Variants in EML2 observed in about 807,000 individuals in gnomAD.
EML2 encodes the protein EMAP like 2.
Under a neutral mutation model 84.7 loss-of-function variants are expected in EML2, and 59 were observed. That is an observed-to-expected ratio of 0.70 (90% CI 0.56 to 0.86). The LOEUF (loss-of-function observed/expected upper bound fraction) is 0.86, where lower values mean the gene tolerates loss of function less well. Ranked by LOEUF, EML2 falls within the 40% of genes least tolerant of loss-of-function variation. The probability of loss-of-function intolerance (pLI) is 0.00; values close to 1 mark genes in which losing one functional copy is unlikely to be tolerated. For synonymous variants in EML2, 352 were observed against 348.9 expected (o/e 1.01, Z -0.10); for missense variants, 818 against 855.6 (o/e 0.96, Z 0.55).
rs200862789 is a variant in EML2 at position 45,621,203 on chromosome 19, G to C, written c.1122+4C>G. 5.2e-5 allele frequency: 84 copies of C among 1,613,226 alleles called. No individual in the cohort carries two copies. The Admixed American group carries it at 1.4e-3, about 27-fold the overall frequency. Reference sequence around the variant, plus strand: ...GGGGAGGGGTGCAGAGGAGAGAGGCGCACCTGGACCAGCAGTGAGAAGCCT... The same window carrying C: ...GGGGAGGGGTGCAGAGGAGAGAGGCCCACCTGGACCAGCAGTGAGAAGCCT... On this transcript the variant is annotated splice_donor_region_variant and intron_variant, in intron 11 of 18. Coordinates refer to ENST00000245925, the MANE Select transcript of EML2 (RefSeq NM_012155.4).
chr19:45,611,901 C>A (rs190210171), intron 18 of EML2, among the ~76,000 whole-genome samples: 6 of 151,884 alleles, frequency 4.0e-5, no homozygotes, highest in East Asian at 1.9e-4. Context: ...TATGACGGAG[C>A]CTTGCTGTCG....
intron 16 of EML2, 81 bp downstream of exon 16, chr19:45,615,721 C>A: frequency 3.3e-6 from 4 of 1,216,698 alleles, no homozygotes; most frequent in Non-Finnish European, 4.9e-6. Context: ...AGGCTTGAAG[C>A]CCCTCCCTCC....
In EML2 at chr19:45,616,287, G is replaced by A. The variant is rs1399773474; in HGVS notation, c.1509+174C>T. ...CGTGGGGGCGGGGCTACACAAAGGG[G>A]CGGGCTTAGAACACACGAGGTGGTG... On this transcript the variant is annotated intron_variant, in intron 15 of 18. Coordinates refer to ENST00000245925, the MANE Select transcript of EML2 (RefSeq NM_012155.4). 3 of 588,718 alleles carry A rather than the reference G, an allele frequency of 5.1e-6. No individual in the cohort carries two copies. The African/African-American group carries it at 5.6e-5, about 11-fold the overall frequency. 36.5% of individuals were successfully genotyped at this position (588,718 alleles called of 1,614,324 possible).
intron 18 of EML2, among the ~76,000 whole-genome samples, chr19:45,613,204 C>A (rs1299332056): frequency 6.6e-6 from 1 of 152,104 alleles, no homozygotes. Context: ...TGGCCTTGGC[C>A]TCCCTTAAAA....
intron 18 of EML2, among the ~76,000 whole-genome samples, chr19:45,611,518 C>T (rs1170247445): frequency 6.6e-6 from 1 of 151,178 alleles, no homozygotes; most frequent in Admixed American, 6.6e-5. Flanking sequence ...CAGAATCTCG[C>T]TCTTTTGCCC....
rs761155203 is a variant in EML2 at position 45,630,051 on chromosome 19, AGAG to A, written c.511-8_511-6del. 6.2e-6 allele frequency: 10 copies of A among 1,602,838 alleles called. No individual in the cohort carries two copies. The highest frequency in any genetic ancestry group is 1.3e-5 in the African/African-American group (1 of 74,464). On this transcript the variant is annotated splice_region_variant and splice_polypyrimidine_tract_variant and intron_variant, in intron 6 of 18. Coordinates refer to ENST00000245925, the MANE Select transcript of EML2 (RefSeq NM_012155.4). The stretch of plus-strand genomic sequence containing the variant: ...ACACAGCAGGTTGCCTCCATTCTAA[AGAG>A]GAGGAGAGAGGAGGGGGACAGAGGC...
intron 7 of EML2, among the ~76,000 whole-genome samples, chr19:45,628,429 T>C (rs575860431): frequency 5.3e-5 from 8 of 151,778 alleles, no homozygotes; most frequent in Admixed American, 2.6e-4. Flanking sequence ...GCCACACAGC[T>C]AGGCAAGAGT....
In EML2 at chr19:45,621,501, G is replaced by A; in HGVS notation, c.978C>T (p.Ser326=). Residue 326 remains serine (S), a synonymous_variant, in exon 10 of 19, where the codon AGC becomes AGT. Transcript: ENST00000245925. ...RRVVLWGSDY[S]KLQEVEVPED... Reference sequence around the variant, plus strand: ...TCCTCACCTCCACTTCCTGCAGCTTGCTGTAGTCAGAACCCCAGAGGACCA... The same window carrying A: ...TCCTCACCTCCACTTCCTGCAGCTTACTGTAGTCAGAACCCCAGAGGACCA... The A allele has an allele frequency of 6.2e-7, 1 of 1,611,422 alleles. No homozygotes were observed. The highest frequency in any genetic ancestry group is 8.5e-7 in the Non-Finnish European group (1 of 1,179,814).
intron 3 of EML2, 21 bp from the exon 4 acceptor site, chr19:45,634,492 G>A: frequency 6.3e-7 from 1 of 1,593,720 alleles, no homozygotes; most frequent in East Asian, 2.3e-5. Flanking sequence ...CCAGGGGCTG[G>A]TTAAGGAATG....
At chr19:45,641,616 G>A, upstream of EML2, 1 of 1,533,390 alleles carries the variant, frequency 6.5e-7, no homozygotes, top group Non-Finnish European at 8.7e-7. Flanking sequence ...CTCTTTCTGC[G>A]GCTTGACGCC....
rs1330413394 is a variant in EML2 at position 45,638,615 on chromosome 19, C to T, written c.69G>A (p.Met23Ile). The stretch of plus-strand genomic sequence containing the variant: ...TGGGCACAGGGCGGCCCCTCAGGAA[C>T]ATTTTCACGGAGCCATCCTCTGCCA... ...IFSVEDGSVK[M>I]FLRGRPVPMM... The change falls in exon 3 of 19, where the codon ATG becomes ATA. Residue 23 changes from methionine to isoleucine, a missense_variant. Transcript: ENST00000245925. The T allele has an allele frequency of 5.6e-6, 9 of 1,614,002 alleles. No homozygotes were observed. Among genetic ancestry groups the T allele is most frequent in the Middle Eastern group, 3.3e-4 (2 of 6,058 alleles).
chr19:45,642,288 C>A, upstream of EML2: 6 of 1,535,946 alleles, frequency 3.9e-6, no homozygotes, highest in Non-Finnish European at 5.2e-6. Flanking sequence ...GTAACTGCAG[C>A]CGCTGCTCCA....
At chr19:45,616,142 G>A in intron 15 of EML2, 1 of 567,162 alleles carries the variant, frequency 1.8e-6, no homozygotes. Flanking sequence ...GGTGGGCAGG[G>A]CTAGACACGG....
rs1021680794 is a variant in EML2, at chr19:45,616,846, G to T, written c.1330C>A (p.Leu444Met). ...AVGTVTGRWL[L>M]LDTETHDLVA... is the part of the protein sequence containing the mutation. The stretch of plus-strand genomic sequence containing the variant: ...AGGTCATGGGTCTCCGTGTCCAGCA[G>T]CAGCCATCTTGAAGGAGAGGGCGTG... The change falls in exon 14 of 19, where the codon CTG (leucine) becomes ATG (methionine). Residue 444 changes from leucine (L) to methionine (M), a missense_variant. Coordinates refer to ENST00000245925, the MANE Select transcript of EML2 (RefSeq NM_012155.4). The T allele has an allele frequency of 9.3e-6, 15 of 1,612,884 alleles. No homozygotes were observed. Among genetic ancestry groups the T allele is most frequent in the Non-Finnish European group, 1.0e-5 (12 of 1,179,776 alleles).
At chr19:45,627,435 A>G (rs1308388662) in intron 7 of EML2, among the ~76,000 whole-genome samples, 6 of 151,204 alleles carry the variant, frequency 4.0e-5, no homozygotes, top group African/African-American at 1.5e-4. Flanking sequence ...TTGTATTTTT[A>G]GTAGAGATAG....
intron 18 of EML2, among the ~76,000 whole-genome samples, chr19:45,611,383 C>T (rs1267617476): frequency 6.6e-6 from 1 of 151,600 alleles, no homozygotes; most frequent in Non-Finnish European, 1.5e-5. Flanking sequence ...TGCACTGCAG[C>T]CTGGGCAACA....
intron 6 of EML2, among the ~76,000 whole-genome samples, chr19:45,631,317 C>T (rs1972996942): frequency 6.6e-6 from 1 of 152,148 alleles, no homozygotes; most frequent in African/African-American, 2.4e-5. Flanking sequence ...GCCTCTTAAG[C>T]TATCTGTGCA....
chr19:45,643,756 C>A, upstream of EML2: 2 of 1,508,610 alleles, frequency 1.3e-6, no homozygotes, highest in South Asian at 1.2e-5. Context: ...TCCTTCCCTT[C>A]GTAGCCCAAT....
chr19:45,614,169 C>G (rs1160180633), intron 17 of EML2, among the ~76,000 whole-genome samples: 1 of 152,178 alleles, frequency 6.6e-6, no homozygotes, highest in Non-Finnish European at 1.5e-5. Context: ...AGGCCAGATG[C>G]CCCACCCTGG....
Sources: allele counts gnomAD v4.1 joint callset (sites outside exome capture counted in the v4.1 genomes callset), GRCh38; gene constraint gnomAD v4.1.1; transcripts MANE v1.5; gene names NCBI Gene and HGNC (gene_info 2026-07-23, HGNC 2026-07-21).